Variants in DCHS2 observed in about 807,000 individuals in gnomAD.
DCHS2 encodes the protein protocadherin-23.
In DCHS2, 142 loss-of-function variants were observed where a neutral mutation model predicts 182.4. The observed-to-expected ratio is 0.78, with a 90% CI of 0.68 to 0.89. The LOEUF is 0.89. DCHS2 is among the 40% of genes least tolerant of loss of function. DCHS2 has a pLI of 0.00. For missense variants in DCHS2, 4,319 were observed against 4,198.6 expected (o/e 1.03, Z -0.79); for synonymous variants, 1,740 against 1,663.3 (o/e 1.05, Z -1.12).
At chr4:154,470,619 G>A (rs1579113389) in intron 1 of DCHS2, among the ~76,000 whole-genome samples, 1 of 152,202 alleles carries the variant, frequency 6.6e-6, no homozygotes, top group South Asian at 2.1e-4. Flanking sequence ...TTTACTTAGA[G>A]TACAAAGTTT....
At position 154,240,675 on chromosome 4, in the gene DCHS2, T is replaced by C. The variant is rs1325642987; in HGVS notation, c.7221A>G (p.Thr2407=). 1.2e-6 allele frequency: 2 copies of C among 1,614,002 alleles called. No homozygotes were observed. ...QNTGVVVLVK[T]LDFEEMTEYE... is the part of the protein sequence containing the mutation. Reference sequence around the variant, plus strand: ...ATTCAGTCATTTCTTCAAAATCCAATGTTTTCACCAACACCACCACTCCAG... The same window carrying C: ...ATTCAGTCATTTCTTCAAAATCCAACGTTTTCACCAACACCACCACTCCAG... The change falls in exon 18 of 20, where the codon ACA becomes ACG. Residue 2407 remains threonine (T), a synonymous_variant. Coordinates refer to ENST00000357232, the MANE Select transcript of DCHS2 (RefSeq NM_001358235.2).
In DCHS2 at chr4:154,323,214, G is replaced by A. The variant is rs948629385; in HGVS notation, c.4019-726C>T. 3.9e-6 allele frequency: 6 copies of A among 1,550,020 alleles called. No individual in the cohort carries two copies. The African/African-American group carries it at 4.1e-5, about 11-fold the overall frequency. On this transcript the variant is annotated intron_variant, in intron 7 of 19. Coordinates refer to ENST00000357232, the MANE Select transcript of DCHS2 (RefSeq NM_001358235.2). ...TCTTATGTTTTCCTTAAATTGGGAG[G>A]CAGATCTAGAGAACTGACCAGATTC... is the stretch of plus-strand genomic sequence containing the variant.
chr4:154,439,380 C>T (rs1310018551), intron 1 of DCHS2, among the ~76,000 whole-genome samples: 3 of 151,294 alleles, frequency 2.0e-5, no homozygotes, highest in African/African-American at 7.3e-5. Context: ...TTTTCCCATA[C>T]CGTTTATATT....
chr4:154,252,938 A>G (rs936765315), intron 16 of DCHS2, among the ~76,000 whole-genome samples: 1 of 152,202 alleles, frequency 6.6e-6, no homozygotes, highest in Non-Finnish European at 1.5e-5. Context: ...CAAAATAGCA[A>G]TACTTCAAAA....
At chr4:154,341,154 G>T (rs1729056455) in intron 3 of DCHS2, among the ~76,000 whole-genome samples, 1 of 152,068 alleles carries the variant, frequency 6.6e-6, no homozygotes. Context: ...GGATCACGAG[G>T]TCAGGAGATG....
chr4:154,407,327 AG>A (rs1732442384), intron 1 of DCHS2, among the ~76,000 whole-genome samples: 1 of 152,156 alleles, frequency 6.6e-6, no homozygotes, highest in Admixed American at 6.5e-5. Flanking sequence ...TGCTATTGAA[AG>A]GTTTCTATGT....
chr4:154,358,536 C>A (rs542948329), intron 3 of DCHS2, among the ~76,000 whole-genome samples: 3 of 152,186 alleles, frequency 2.0e-5, no homozygotes, highest in South Asian at 2.1e-4. Context: ...CAAAAGGTGG[C>A]TTATAAGTTT....
chr4:154,365,800 C>G lies in DCHS2; in HGVS notation c.2476+410G>C, dbSNP rs1246641757. On this transcript the variant is annotated intron_variant, in intron 3 of 19. Transcript: ENST00000357232. ...AGAACCTGAGATTACAGGCGCCCACCACCACGTCCGGCTAATTTTTTTTTT... is the reference window on the plus strand; with the variant it reads ...AGAACCTGAGATTACAGGCGCCCACGACCACGTCCGGCTAATTTTTTTTTT... Among the ~76,000 whole-genome samples the G allele has an allele frequency of 2.0e-5, 3 of 152,036 alleles. No individual in the cohort carries two copies. In the East Asian group the frequency reaches 5.8e-4, roughly 29 times the overall value.
rs749430583 is a variant in DCHS2 at position 154,242,787 on chromosome 4, G to A, written c.6942-15C>T. Reference sequence around the variant, plus strand: ...GGACAATCAAGCTGGTTTGGAAAAAGAATCAAAGAATGTGATTCATCATCC... The same window carrying A: ...GGACAATCAAGCTGGTTTGGAAAAAAAATCAAAGAATGTGATTCATCATCC... On this transcript the variant is annotated splice_polypyrimidine_tract_variant and intron_variant, in intron 16 of 19. Coordinates refer to ENST00000357232, the MANE Select transcript of DCHS2 (RefSeq NM_001358235.2). 1 of 1,588,400 alleles carries A rather than the reference G, an allele frequency of 6.3e-7. No individual in the cohort carries two copies. Among genetic ancestry groups the A allele is most frequent in the Middle Eastern group, 1.7e-4 (1 of 5,948 alleles).
intron 16 of DCHS2, among the ~76,000 whole-genome samples, chr4:154,247,439 C>T (rs1732126403): frequency 1.3e-5 from 2 of 151,240 alleles, no homozygotes; most frequent in Admixed American, 1.3e-4. Flanking sequence ...GTCAGGAGTT[C>T]GAGACCAGCC....
intron 13 of DCHS2, chr4:154,272,370 G>A (rs1414054864): frequency 1.3e-5 from 2 of 152,096 alleles, no homozygotes; most frequent in Non-Finnish European, 2.9e-5. Flanking sequence ...AACAACATAT[G>A]AGAATGGCAG....
chr4:154,272,057 C>A (rs908618217), intron 13 of DCHS2: 2 of 152,156 alleles, frequency 1.3e-5, no homozygotes, highest in Non-Finnish European at 2.9e-5. Flanking sequence ...TTTTGCTCAG[C>A]ATTTTTTGAG....
At chr4:154,278,492 G>A (rs985029045) in intron 13 of DCHS2, among the ~76,000 whole-genome samples, 2 of 151,592 alleles carry the variant, frequency 1.3e-5, no homozygotes, top group Admixed American at 6.6e-5. Flanking sequence ...CCAAATCTGA[G>A]GGAAAAAATA....
intron 1 of DCHS2, among the ~76,000 whole-genome samples, chr4:154,450,087 G>A (rs1026415902): frequency 1.1e-4 from 17 of 152,178 alleles, no homozygotes; most frequent in African/African-American, 3.9e-4. Flanking sequence ...GGCTGAACAT[G>A]CAGAAGGAGC....
intron 10 of DCHS2, among the ~76,000 whole-genome samples, chr4:154,305,826 G>T (rs191615441): frequency 2.6e-5 from 4 of 152,242 alleles, no homozygotes. Flanking sequence ...TTTCTCCCCT[G>T]AGAAAAGTAT....
At chr4:154,256,152 T>C (rs1189990550) in intron 15 of DCHS2, among the ~76,000 whole-genome samples, 2 of 152,192 alleles carry the variant, frequency 1.3e-5, no homozygotes, top group African/African-American at 4.8e-5. Flanking sequence ...AGTTTTATTT[T>C]ATTTTATTTT....
chr4:154,474,572 C>T (rs901195985), intron 1 of DCHS2, among the ~76,000 whole-genome samples: 2 of 152,128 alleles, frequency 1.3e-5, no homozygotes, highest in African/African-American at 4.8e-5. Flanking sequence ...ACCCTGCTGC[C>T]CTCACTGCTG....
Position 154,240,517 on chromosome 4 carries a change from C to G in DCHS2, c.7359+20G>C. The G allele has an allele frequency of 6.2e-7, 1 of 1,603,312 alleles. No homozygotes were observed. Among genetic ancestry groups the G allele is most frequent in the Non-Finnish European group, 8.5e-7 (1 of 1,172,860 alleles). On this transcript the variant is annotated intron_variant, in intron 18 of 19. Transcript: ENST00000357232. The stretch of plus-strand genomic sequence containing the variant: ...TTTCTAGTTTTGGCTTTGGTTTCGG[C>G]ATCTCTTTAAGCCCTTTACCTGATA...
intron 1 of DCHS2, among the ~76,000 whole-genome samples, chr4:154,466,715 C>T (rs1336638154): frequency 6.6e-6 from 1 of 152,158 alleles, no homozygotes; most frequent in African/African-American, 2.4e-5. Flanking sequence ...AAAAACCAGA[C>T]TGTTTATATT....
Sources: allele counts gnomAD v4.1 joint callset (sites outside exome capture counted in the v4.1 genomes callset), GRCh38; gene constraint gnomAD v4.1.1; transcripts MANE v1.5; gene names NCBI Gene and HGNC (gene_info 2026-07-23, HGNC 2026-07-21).